Variants in OPHN1 observed in about 807,000 individuals in gnomAD.
The protein encoded by OPHN1 is oligophrenin-1.
OPHN1 carries 11 observed loss-of-function variants against 60.7 expected under a neutral mutation model. The ratio of observed to expected loss-of-function variants is 0.18; its 90% CI spans 0.11 to 0.30. The LOEUF is 0.30. OPHN1 is among the 10% of genes least tolerant of loss of function. The pLI is 1.00. For synonymous variants in OPHN1, 226 were observed against 222.6 expected, an observed-to-expected ratio of 1.02 and a Z score of -0.14; for missense variants, 449 against 611.0, an observed-to-expected ratio of 0.73 and a Z score of 2.80.
intron 2 of OPHN1, among the ~76,000 whole-genome samples, chrX:68,347,093 C>T (rs1407317534): frequency 9.0e-6 from 1 of 111,506 alleles, no homozygotes; most frequent in East Asian, 2.8e-4. Flanking sequence ...CCTTGTGGCC[C>T]TGCCTAATAT....
At chrX:68,323,772 G>T (rs1247110023) in intron 2 of OPHN1, among the ~76,000 whole-genome samples, 1 of 111,912 alleles carries the variant, frequency 8.9e-6, no homozygotes, top group Admixed American at 9.5e-5. Flanking sequence ...CAACATATAA[G>T]AAATTGACTA....
intron 6 of OPHN1, among the ~76,000 whole-genome samples, chrX:68,234,091 C>CAAAAAAAAAAAAA (rs33932284): frequency 2.3e-5 from 1 of 44,198 alleles, no homozygotes. Flanking sequence ...AACCCCTCAC[C>CAAAAAAAAAAAAA]AAAAAAAAAA....
chrX:68,131,911 A>T (rs2077196270), intron 15 of OPHN1, among the ~76,000 whole-genome samples: 1 of 112,692 alleles, frequency 8.9e-6, no homozygotes, highest in South Asian at 3.6e-4. Context: ...TAAAGCTAGA[A>T]ATCACTTTTT....
Position 68,113,401 on chromosome X carries a change from C to T in OPHN1, c.1362-162G>A, listed in dbSNP as rs764780291. On this transcript the variant is annotated intron_variant, in intron 16 of 24. Transcript: ENST00000355520. ...AAGCTTCGTCAGGGAATCCAAGTTGCTAGTAATTCAACAAAAGACCTGCAA... is the reference window on the plus strand; with the variant it reads ...AAGCTTCGTCAGGGAATCCAAGTTGTTAGTAATTCAACAAAAGACCTGCAA... 2.5e-4 allele frequency among the ~76,000 whole-genome samples: 28 copies of T among 111,733 alleles called. No individual in the cohort carries two copies. In the Admixed American group the frequency reaches 2.7e-3, roughly 11 times the overall value.
chrX:68,081,006 G>T (rs999162383), intron 19 of OPHN1, among the ~76,000 whole-genome samples: 26 of 111,063 alleles, frequency 2.3e-4, no homozygotes, highest in Middle Eastern at 9.3e-3. Flanking sequence ...ACTGCATCCT[G>T]AGTGTTAGTT....
Position 68,433,409 on chromosome X carries a change from C to T in OPHN1, c.-246G>A, listed in dbSNP as rs1383237850. 2 of 277,038 alleles carry T rather than the reference C, an allele frequency of 7.2e-6. No individual in the cohort carries two copies. Among genetic ancestry groups the T allele is most frequent in the African/African-American group, 5.5e-5 (2 of 36,547 alleles). The allele number at this position is 277,038 out of a possible 1,213,427, so 22.8% of individuals were successfully genotyped here. On this transcript the variant is annotated 5_prime_UTR_variant, in exon 1 of 25. Transcript: ENST00000355520. ...CAATTGCAAACGTGACACTTGGGCC[C>T]GCCCAAGGTGTAGGCGAGGTTAGAG... is the stretch of plus-strand genomic sequence containing the variant.
chrX:68,433,724 G>A (rs769779199), upstream of OPHN1: 1 of 296,030 alleles, frequency 3.4e-6, no homozygotes, highest in Admixed American at 6.1e-5. Flanking sequence ...GCGCCGGAAG[G>A]GTTAAGCCAG....
chrX:68,162,285 T>C (rs1375547331), intron 15 of OPHN1, among the ~76,000 whole-genome samples: 6 of 110,789 alleles, frequency 5.4e-5, no homozygotes, highest in Non-Finnish European at 1.1e-4. Context: ...CTATTGAAAA[T>C]GTTCTGTTTT....
At chrX:68,328,191 C>T (rs1486774072) in intron 2 of OPHN1, among the ~76,000 whole-genome samples, 3 of 101,101 alleles carry the variant, frequency 3.0e-5, no homozygotes, top group African/African-American at 3.7e-5. Context: ...TGCAGTGGCG[C>T]GATCTCGGCT....
At chrX:68,293,910 C>T (rs968958271) in intron 3 of OPHN1, among the ~76,000 whole-genome samples, 1 of 111,126 alleles carries the variant, frequency 9.0e-6, no homozygotes, top group Non-Finnish European at 1.9e-5. Flanking sequence ...TCTGAGAAGG[C>T]TTCCATGTTT....
At chrX:68,368,231 C>T (rs1040091540) in intron 2 of OPHN1, among the ~76,000 whole-genome samples, 17 of 110,955 alleles carry the variant, frequency 1.5e-4, no homozygotes, top group African/African-American at 3.6e-4. Flanking sequence ...ACAATGAGGA[C>T]GTTCAAAAGC....
chrX:68,340,497 A>G (rs2078346044), intron 2 of OPHN1, among the ~76,000 whole-genome samples: 1 of 112,040 alleles, frequency 8.9e-6, no homozygotes, highest in Non-Finnish European at 1.9e-5. Context: ...TGGCACAAAC[A>G]TATTACCTGC....
intron 4 of OPHN1, among the ~76,000 whole-genome samples, chrX:68,281,701 C>T (rs1038805699): frequency 8.9e-6 from 1 of 112,092 alleles, no homozygotes; most frequent in African/African-American, 3.2e-5. Flanking sequence ...CTAAAATATA[C>T]AAAGAACTCT....
intron 2 of OPHN1, among the ~76,000 whole-genome samples, chrX:68,328,454 C>T (rs1009509165): frequency 8.9e-6 from 1 of 112,528 alleles, no homozygotes; most frequent in African/African-American, 3.2e-5. Flanking sequence ...TAAAAGAACA[C>T]AAGAAAACAT....
chrX:68,190,187 A>G (rs1176386441), intron 15 of OPHN1, among the ~76,000 whole-genome samples: 1 of 111,725 alleles, frequency 9.0e-6, no homozygotes, highest in Non-Finnish European at 1.9e-5. Context: ...TAAACTTAGA[A>G]GGAAGGTCTC....
rs186570100 is a variant in OPHN1, at chrX:68,090,711, C to A, written c.1686+6159G>T. 1.2e-4 allele frequency among the ~76,000 whole-genome samples: 13 copies of A among 111,317 alleles called. No individual in the cohort carries two copies. The East Asian group carries it at 3.4e-3, about 29-fold the overall frequency. ...CACTGGAGTTCCCACAAACTCCACA[C>A]TGAGAATAACCCAGCTTTCTCCGGC... On this transcript the variant is annotated intron_variant, in intron 19 of 24. Coordinates refer to ENST00000355520, the MANE Select transcript of OPHN1 (RefSeq NM_002547.3).
chrX:68,299,218 C>T lies in OPHN1; in HGVS notation c.155-122G>A, dbSNP rs2078109200. 5.0e-5 allele frequency: 21 copies of T among 416,641 alleles called. 1 individual carries two copies. In the South Asian group the frequency reaches 5.7e-4, roughly 11 times the overall value. 34.3% of individuals were successfully genotyped at this position (416,641 alleles called of 1,213,427 possible). A position where few individuals can be genotyped will look rare whatever the true frequency, so the allele number is the denominator to read the frequency against. ...AGTGCTCTGAGCAGGTTGCAACTAGCATTTAATGAAATAAAACAAAAGATT... is the reference window on the plus strand; with the variant it reads ...AGTGCTCTGAGCAGGTTGCAACTAGTATTTAATGAAATAAAACAAAAGATT... On this transcript the variant is annotated intron_variant, in intron 2 of 24. Transcript: ENST00000355520.
intron 5 of OPHN1, among the ~76,000 whole-genome samples, chrX:68,263,290 C>T (rs2077903791): frequency 1.8e-5 from 2 of 111,910 alleles, no homozygotes; most frequent in African/African-American, 6.5e-5. Flanking sequence ...GAGACACATA[C>T]TGGGAGACCT....
At chrX:68,426,890 AC>A (rs1555987250) in intron 2 of OPHN1, among the ~76,000 whole-genome samples, 1,914 of 17,963 alleles carry the variant, frequency 0.11, 34 homozygotes, top group Non-Finnish European at 0.32. Flanking sequence ...CTTAAAACAA[AC>A]AAAAAAAAAA....
Sources: gnomAD v4.1 joint callset for allele counts (sites outside exome capture counted in the v4.1 genomes callset) on GRCh38, gnomAD v4.1.1 for gene constraint, MANE v1.5 for transcripts, NCBI Gene and HGNC (gene_info 2026-07-23, HGNC 2026-07-21) for gene names.